Variants in DLGAP2 observed in about 807,000 individuals in gnomAD.
DLGAP2 encodes the protein DLG associated protein 2.
DLGAP2 carries 26 observed loss-of-function variants against 100.3 expected under a neutral mutation model. The ratio of observed to expected loss-of-function variants is 0.26; its 90% CI spans 0.19 to 0.36. The LOEUF (loss-of-function observed/expected upper bound fraction) is 0.36. Ranked by LOEUF, DLGAP2 falls within the 10% of genes least tolerant of loss-of-function variation. The probability of loss-of-function intolerance (pLI) is 1.00; values close to 1 mark genes in which losing one functional copy is unlikely to be tolerated. For synonymous variants in DLGAP2, 886 were observed against 630.1 expected (o/e 1.41, Z -6.08); for missense variants, 1,858 against 1,453.2 (o/e 1.28, Z -4.53).
chr8:938,899 C>T (rs1424824517), intron 2 of DLGAP2, among the ~76,000 whole-genome samples: 3 of 152,200 alleles, frequency 2.0e-5, no homozygotes, highest in East Asian at 3.9e-4. Context: ...CCTTAAGCCC[C>T]GAGGAAGAGT....
chr8:1,349,232 T>C (rs1801645090), intron 3 of DLGAP2, among the ~76,000 whole-genome samples: 1 of 151,380 alleles, frequency 6.6e-6, no homozygotes, highest in Admixed American at 6.6e-5. Flanking sequence ...ATTAATGTAG[T>C]TGAGATACTT....
At chr8:954,479 A>G (rs1307318015) in intron 2 of DLGAP2, among the ~76,000 whole-genome samples, 1 of 152,216 alleles carries the variant, frequency 6.6e-6, no homozygotes, top group Non-Finnish European at 1.5e-5. Context: ...TTCATTGACT[A>G]GAGAATGTAT....
At chr8:1,623,936 G>C (rs1797424329) in intron 6 of DLGAP2, among the ~76,000 whole-genome samples, 1 of 152,184 alleles carries the variant, frequency 6.6e-6, no homozygotes, top group Admixed American at 6.5e-5. Context: ...GAAATAAAGA[G>C]AATCATTGAG....
chr8:1,471,363 G>GACCCCTCCAGCCTTTCCCA (rs1798785756), intron 3 of DLGAP2, among the ~76,000 whole-genome samples: 2 of 118,988 alleles, frequency 1.7e-5, no homozygotes, highest in Admixed American at 1.9e-4. Flanking sequence ...AGCTTTTCCC[G>GACCCCTCCAGCCTTTCCCA]ACCCCTCCAG....
intron 6 of DLGAP2, among the ~76,000 whole-genome samples, chr8:1,598,935 T>C (rs1796540874): frequency 6.6e-6 from 1 of 152,224 alleles, no homozygotes; most frequent in African/African-American, 2.4e-5. Flanking sequence ...CTCTTGCTTC[T>C]CTGGTCCTTT....
chr8:1,539,891 C>T (rs7015266), intron 4 of DLGAP2, among the ~76,000 whole-genome samples: 72,278 of 151,884 alleles, frequency 0.48, 17,726 homozygotes, highest in South Asian at 0.7. Flanking sequence ...CCCCCAAGCC[C>T]CTCAGTCCAT....
intron 2 of DLGAP2, among the ~76,000 whole-genome samples, chr8:1,176,257 CCCTCATTA>C (rs1797253196): frequency 6.6e-6 from 1 of 152,078 alleles, no homozygotes; most frequent in African/African-American, 2.4e-5. Flanking sequence ...CGTGAGAATT[CCCTCATTA>C]CCACAAGAAT....
At chr8:1,338,591 C>G (rs1801341186) in intron 3 of DLGAP2, among the ~76,000 whole-genome samples, 1 of 152,216 alleles carries the variant, frequency 6.6e-6, no homozygotes, top group Admixed American at 6.5e-5. Flanking sequence ...TATATAAAAC[C>G]ACCAAGTTGT....
At chr8:1,425,303 G>A (rs1007978867) in intron 3 of DLGAP2, among the ~76,000 whole-genome samples, 1 of 152,250 alleles carries the variant, frequency 6.6e-6, no homozygotes, top group Non-Finnish European at 1.5e-5. Flanking sequence ...TAAATGGGGG[G>A]TTCATAAAAG....
intron 1 of DLGAP2, among the ~76,000 whole-genome samples, chr8:866,167 T>A (rs933993393): frequency 5.3e-5 from 8 of 152,058 alleles, no homozygotes; most frequent in African/African-American, 1.9e-4. Flanking sequence ...GGGCCCTCGG[T>A]GCCTCTCACA....
intron 2 of DLGAP2, among the ~76,000 whole-genome samples, chr8:1,239,619 C>T (rs1798739809): frequency 1.5e-5 from 1 of 66,608 alleles, no homozygotes; most frequent in African/African-American, 7.8e-5. Flanking sequence ...GTCTAGTTCT[C>T]TCACATGGCG....
chr8:1,279,559 C>A (rs1377839613), intron 3 of DLGAP2, among the ~76,000 whole-genome samples: 1 of 152,212 alleles, frequency 6.6e-6, no homozygotes, highest in East Asian at 1.9e-4. Flanking sequence ...GTAAGCTTAG[C>A]AGTGGAAAAC....
intron 5 of DLGAP2, among the ~76,000 whole-genome samples, chr8:1,556,053 G>A (rs548173022): frequency 2.6e-5 from 4 of 152,224 alleles, no homozygotes; most frequent in African/African-American, 7.2e-5. Context: ...ACTCAAGATG[G>A]TCGTGGATGC....
At chr8:1,025,091 T>A (rs1339872745) in intron 2 of DLGAP2, among the ~76,000 whole-genome samples, 1 of 151,708 alleles carries the variant, frequency 6.6e-6, no homozygotes, top group South Asian at 2.1e-4. Flanking sequence ...TGTGCGCGTG[T>A]ATGTGTGTGC....
At chr8:1,217,083 G>A (rs535718048) in intron 2 of DLGAP2, among the ~76,000 whole-genome samples, 12 of 152,202 alleles carry the variant, frequency 7.9e-5, no homozygotes, top group African/African-American at 2.4e-4. Context: ...TACCCGATAG[G>A]TGGTTTTTCA....
At chr8:902,162 G>T (rs915258701) in intron 1 of DLGAP2, among the ~76,000 whole-genome samples, 1 of 152,236 alleles carries the variant, frequency 6.6e-6, no homozygotes, top group Non-Finnish European at 1.5e-5. Flanking sequence ...CAGTGCCCAG[G>T]CACAGATCCA....
chr8:861,432 C>G (rs1010825946), intron 1 of DLGAP2, among the ~76,000 whole-genome samples: 3 of 152,102 alleles, frequency 2.0e-5, no homozygotes, highest in African/African-American at 4.8e-5. Context: ...GTTTGAAGCC[C>G]CTAGCACGGA....
chr8:1,664,583 G>T (rs117178289), intron 8 of DLGAP2, among the ~76,000 whole-genome samples: 3,584 of 152,266 alleles, frequency 0.024, 66 homozygotes, highest in Non-Finnish European at 0.037. Flanking sequence ...TTACGTCGGT[G>T]CCCAACGTGG....
chr8:1,068,740 G>A (rs1388672592), intron 2 of DLGAP2, among the ~76,000 whole-genome samples: 1 of 152,168 alleles, frequency 6.6e-6, no homozygotes, highest in Non-Finnish European at 1.5e-5. Flanking sequence ...AGCGCATGTG[G>A]GTCCGGGATA....
Sources: gnomAD v4.1 joint callset for allele counts (sites outside exome capture counted in the v4.1 genomes callset) on GRCh38, gnomAD v4.1.1 for gene constraint, MANE v1.5 for transcripts, NCBI Gene and HGNC (gene_info 2026-07-23, HGNC 2026-07-21) for gene names.